Variants in DOCK4 observed in about 807,000 individuals in gnomAD.
DOCK4 encodes dedicator of cytokinesis 4.
A neutral mutation model predicts 268.1 loss-of-function variants in DOCK4; 97 were observed. The ratio of observed to expected loss-of-function variants is 0.36; its 90% CI spans 0.31 to 0.43. The LOEUF (loss-of-function observed/expected upper bound fraction) is 0.43. Ranked by LOEUF, DOCK4 falls within the 20% of genes least tolerant of loss-of-function variation. DOCK4 has a pLI of 1.00. For synonymous variants in DOCK4, 954 were observed against 887.2 expected (o/e 1.08, Z -1.34); for missense variants, 2,145 against 2,455.7 (o/e 0.87, Z 2.67).
At chr7:112,045,353 T>C (rs562144917) in intron 1 of DOCK4, among the ~76,000 whole-genome samples, 6 of 152,228 alleles carry the variant, frequency 3.9e-5, no homozygotes, top group African/African-American at 1.4e-4. Flanking sequence ...CAAGCTCCAT[T>C]TTCTTACTCT....
chr7:112,145,004 C>A (rs1815321178), intron 1 of DOCK4, among the ~76,000 whole-genome samples: 1 of 152,238 alleles, frequency 6.6e-6, no homozygotes, highest in Non-Finnish European at 1.5e-5. Context: ...GCTATAAATG[C>A]AGAAATTTTC....
intron 1 of DOCK4, among the ~76,000 whole-genome samples, chr7:112,030,824 A>G (rs1318451497): frequency 6.6e-6 from 1 of 152,212 alleles, no homozygotes; most frequent in Non-Finnish European, 1.5e-5. Flanking sequence ...CAGATTTCTC[A>G]GTTCATGAAC....
intron 11 of DOCK4, among the ~76,000 whole-genome samples, chr7:111,937,802 G>C (rs1166236561): frequency 2.6e-5 from 4 of 152,188 alleles, no homozygotes; most frequent in African/African-American, 9.7e-5. Flanking sequence ...CCTCAAATCT[G>C]CTTCCTTTTC....
At chr7:112,079,312 G>C (rs1808373388) in intron 1 of DOCK4, among the ~76,000 whole-genome samples, 1 of 152,114 alleles carries the variant, frequency 6.6e-6, no homozygotes, top group South Asian at 2.1e-4. Flanking sequence ...ATAAGAACCT[G>C]GAAGTTTCAC....
intron 8 of DOCK4, among the ~76,000 whole-genome samples, chr7:111,969,718 G>A (rs1797550456): frequency 1.3e-5 from 2 of 150,714 alleles, no homozygotes; most frequent in African/African-American, 4.9e-5. Flanking sequence ...TAGATTAATT[G>A]ACATATGCCA....
At chr7:112,039,978 C>T (rs1804209905) in intron 1 of DOCK4, among the ~76,000 whole-genome samples, 1 of 152,128 alleles carries the variant, frequency 6.6e-6, no homozygotes, top group Admixed American at 6.6e-5. Flanking sequence ...ATTCATACTG[C>T]TATTTTTACT....
At chr7:112,185,758 C>T (rs903256556) in intron 1 of DOCK4, among the ~76,000 whole-genome samples, 5 of 152,250 alleles carry the variant, frequency 3.3e-5, no homozygotes, top group African/African-American at 9.6e-5. Context: ...CTCTACTTAA[C>T]GTGTTCCATT....
At chr7:111,821,093 T>C (rs945971524) in intron 27 of DOCK4, 3 of 152,258 alleles carry the variant, frequency 2.0e-5, no homozygotes, top group Non-Finnish European at 4.4e-5. Context: ...TAATATGCTA[T>C]GTTATACTAT....
intron 1 of DOCK4, among the ~76,000 whole-genome samples, chr7:112,069,062 C>T: frequency 6.6e-6 from 1 of 152,168 alleles, no homozygotes; most frequent in Non-Finnish European, 1.5e-5. Flanking sequence ...ATTTAAAATG[C>T]ACTCTTGCAT....
At chr7:112,032,290 C>A (rs953519951) in intron 1 of DOCK4, among the ~76,000 whole-genome samples, 46 of 152,106 alleles carry the variant, frequency 3.0e-4, no homozygotes, top group African/African-American at 1.1e-3. Flanking sequence ...AAGTTCTGTG[C>A]CATCTTCAAC....
chr7:112,146,484 C>T (rs1310042419), intron 1 of DOCK4, among the ~76,000 whole-genome samples: 4 of 152,198 alleles, frequency 2.6e-5, no homozygotes, highest in Admixed American at 6.5e-5. Context: ...GTAATCCCAG[C>T]ATTTTGGGAG....
At chr7:111,784,850 A>G (rs1799056463) in intron 32 of DOCK4, among the ~76,000 whole-genome samples, 1 of 152,214 alleles carries the variant, frequency 6.6e-6, no homozygotes, top group Admixed American at 6.5e-5. Flanking sequence ...TTGAAATTTA[A>G]TGATTGCCAT....
chr7:111,870,043 T>C (rs1015327920), intron 20 of DOCK4, among the ~76,000 whole-genome samples: 1 of 152,106 alleles, frequency 6.6e-6, no homozygotes, highest in Non-Finnish European at 1.5e-5. Flanking sequence ...CTGGATGCAA[T>C]ATCATTAGGC....
At chr7:111,755,675 G>A (rs1025660075) in intron 41 of DOCK4, 74 bp from the exon 42 acceptor site, 14 of 1,360,390 alleles carry the variant, frequency 1.0e-5, no homozygotes, top group African/African-American at 8.6e-5. Context: ...AGTGTTTGTC[G>A]GTCACTGTTA....
chr7:111,746,467 T>C, intron 43 of DOCK4, 50 bp from the exon 44 acceptor site: 1 of 1,448,180 alleles, frequency 6.9e-7, no homozygotes, highest in Non-Finnish European at 9.6e-7. Context: ...ACAAGGCAAG[T>C]CAAAGACAAG....
At position 111,760,310 on chromosome 7, in the gene DOCK4, C is replaced by A; in HGVS notation, c.4033G>T (p.Val1345Leu). The change falls in exon 40 of 53, where the codon GTG (valine) becomes TTG (leucine). Residue 1345 changes from valine (V) to leucine (L), a missense_variant. Val to Leu is a conservative substitution (Grantham distance 32). This residue lies in a region of DOCK4 where 1,598 missense variants were observed against 1,986.7 expected (regional missense o/e 0.80). Coordinates refer to ENST00000428084, the MANE Select transcript of DOCK4 (RefSeq NM_001363540.2). ...CTCTCGTAGTCATGCCCTCGACACACAAACTCCTTATTCTGGAGATGAAAG... is the reference window on the plus strand; with the variant it reads ...CTCTCGTAGTCATGCCCTCGACACAAAAACTCCTTATTCTGGAGATGAAAG... ...FPFFLRNKEF[V>L]CRGHDYERLE... The A allele has an allele frequency of 6.2e-7, 1 of 1,613,398 alleles. No individual in the cohort carries two copies. The highest frequency in any genetic ancestry group is 8.5e-7 in the Non-Finnish European group (1 of 1,179,556).
intron 8 of DOCK4, among the ~76,000 whole-genome samples, chr7:111,960,267 G>A (rs905970035): frequency 1.3e-5 from 2 of 151,324 alleles, no homozygotes; most frequent in African/African-American, 4.9e-5. Context: ...TGGAGGCTGA[G>A]GCAGGAGAAT....
At chr7:112,073,218 T>A (rs1807761070) in intron 1 of DOCK4, among the ~76,000 whole-genome samples, 1 of 152,064 alleles carries the variant, frequency 6.6e-6, no homozygotes, top group Non-Finnish European at 1.5e-5. Flanking sequence ...AGTTTTTTCT[T>A]CTGAGGAGCC....
intron 1 of DOCK4, among the ~76,000 whole-genome samples, chr7:112,136,680 A>G (rs540786475): frequency 6.6e-6 from 1 of 152,362 alleles, no homozygotes; most frequent in Non-Finnish European, 1.5e-5. Flanking sequence ...AGGAAGGGGC[A>G]GAAATTACCT....
Sources: gnomAD v4.1 joint callset for allele counts (sites outside exome capture counted in the v4.1 genomes callset) on GRCh38, gnomAD v4.1.1 for gene constraint, gnomAD v4.1.1 regional missense constraint, MANE v1.5 for transcripts, NCBI Gene and HGNC (gene_info 2026-07-23, HGNC 2026-07-21) for gene names.